PLA2G4A: variants seen among roughly 807,000 people sequenced by gnomAD.
The protein encoded by PLA2G4A is phospholipase A2 group IVA, also known as cytosolic phospholipase A2.
In PLA2G4A, 40 loss-of-function variants were observed where a neutral mutation model predicts 81.9. That is an observed-to-expected ratio of 0.49 (90% CI 0.38 to 0.64). PLA2G4A has a LOEUF of 0.64. PLA2G4A is among the 30% of genes least tolerant of loss of function. The pLI, the probability that PLA2G4A is intolerant of heterozygous loss-of-function variation, is 0.00. For synonymous variants in PLA2G4A, 302 were observed against 296.9 expected (o/e 1.02, Z -0.18); for missense variants, 715 against 905.1 (o/e 0.79, Z 2.69).
chr1:186,959,152 T>A (rs1656857250), intron 14 of PLA2G4A, among the ~76,000 whole-genome samples: 2 of 151,986 alleles, frequency 1.3e-5, no homozygotes, highest in Non-Finnish European at 2.9e-5. Context: ...GTACTTATAA[T>A]GTGCTTGGTT....
At chr1:186,878,554 G>A (rs1039782213) in intron 3 of PLA2G4A, among the ~76,000 whole-genome samples, 5 of 151,538 alleles carry the variant, frequency 3.3e-5, no homozygotes, top group Admixed American at 6.6e-5. Flanking sequence ...GTTTCATAAC[G>A]CATGTCTCTC....
intron 2 of PLA2G4A, among the ~76,000 whole-genome samples, chr1:186,868,778 C>T (rs914985511): frequency 3.9e-5 from 6 of 152,064 alleles, no homozygotes. Flanking sequence ...TTTAAGAAAT[C>T]GATCCATTTC....
intron 5 of PLA2G4A, among the ~76,000 whole-genome samples, chr1:186,904,671 G>A (rs1248056639): frequency 6.6e-6 from 1 of 152,158 alleles, no homozygotes; most frequent in African/African-American, 2.4e-5. Context: ...CTTCTCTTCC[G>A]TTATCCTGCC....
chr1:186,855,183 A>ACTCAGCCC (rs1419864779), intron 2 of PLA2G4A, among the ~76,000 whole-genome samples: 1 of 151,872 alleles, frequency 6.6e-6, no homozygotes, highest in African/African-American at 2.4e-5. Context: ...ATTGACCTGG[A>ACTCAGCCC]CTCAGCCCTT....
At chr1:186,938,018 G>T (rs1041550903) in intron 8 of PLA2G4A, among the ~76,000 whole-genome samples, 2 of 152,016 alleles carry the variant, frequency 1.3e-5, no homozygotes, top group African/African-American at 4.8e-5. Flanking sequence ...GGAAATAAGA[G>T]ATTAAAACAT....
rs1657086036 is a variant in PLA2G4A, at chr1:186,965,098, A to G, written c.1580-311A>G. ...GACCTACGTAATGTAAGATAATACT[A>G]TTGAAGTGATCATAGCTTAGAGTTA... On this transcript the variant is annotated intron_variant, in intron 14 of 17. Coordinates refer to ENST00000367466, the MANE Select transcript of PLA2G4A (RefSeq NM_024420.3). Among the ~76,000 whole-genome samples, 3 of 152,266 alleles carry G rather than the reference A, an allele frequency of 2.0e-5. No individual in the cohort carries two copies. The South Asian group carries it at 6.2e-4, about 31-fold the overall frequency.
At chr1:186,836,410 T>C (rs923552172) in intron 1 of PLA2G4A, among the ~76,000 whole-genome samples, 2 of 151,962 alleles carry the variant, frequency 1.3e-5, no homozygotes, top group African/African-American at 2.4e-5. Flanking sequence ...CTTCAAGCAC[T>C]TTTTATCATC....
chr1:186,868,071 CTTTT>C (rs59978011), intron 2 of PLA2G4A, among the ~76,000 whole-genome samples: 2 of 112,924 alleles, frequency 1.8e-5, no homozygotes, highest in East Asian at 2.6e-4. Context: ...GTGTATAATT[CTTTT>C]TTTTTTTTTT....
intron 1 of PLA2G4A, among the ~76,000 whole-genome samples, chr1:186,853,086 G>A (rs1345526277): frequency 2.0e-5 from 3 of 151,750 alleles, no homozygotes; most frequent in Admixed American, 6.6e-5. Flanking sequence ...AAATAATGAT[G>A]GTTGATGCAC....
At chr1:186,968,400 ATGTGTGTG>A (rs58475951) in intron 15 of PLA2G4A, among the ~76,000 whole-genome samples, 1 of 137,414 alleles carries the variant, frequency 7.3e-6, no homozygotes, top group Non-Finnish European at 1.5e-5. Context: ...CGCGGTGTGT[ATGTGTGTG>A]TGTGTGTGTG....
chr1:186,854,909 A>G (rs760399247), intron 2 of PLA2G4A, among the ~76,000 whole-genome samples: 1 of 151,954 alleles, frequency 6.6e-6, no homozygotes, highest in African/African-American at 2.4e-5. Context: ...GGAAGTATAC[A>G]TGCTCTCTTC....
intron 2 of PLA2G4A, among the ~76,000 whole-genome samples, chr1:186,863,006 T>G (rs1485361741): frequency 6.6e-6 from 1 of 152,242 alleles, no homozygotes; most frequent in Non-Finnish European, 1.5e-5. Flanking sequence ...ACTTAAAATT[T>G]AGGTGCTAGA....
chr1:186,855,025 G>T (rs1354893940), intron 2 of PLA2G4A, among the ~76,000 whole-genome samples: 1 of 151,924 alleles, frequency 6.6e-6, no homozygotes, highest in Non-Finnish European at 1.5e-5. Context: ...GTAATCCATA[G>T]CCTCATTTTT....
intron 6 of PLA2G4A, 35 bp from the exon 7 acceptor site, chr1:186,911,213 C>A: frequency 1.2e-6 from 2 of 1,602,158 alleles, no homozygotes; most frequent in Admixed American, 1.7e-5. Flanking sequence ...CCACTGGGAG[C>A]ACTGGCTCAT....
At chr1:186,940,332 G>A (rs949688163) in intron 10 of PLA2G4A, among the ~76,000 whole-genome samples, 15 of 152,140 alleles carry the variant, frequency 9.9e-5, no homozygotes, top group African/African-American at 3.6e-4. Context: ...AAAAATCATG[G>A]ATACAATCAA....
rs1654249432 is a variant in PLA2G4A at position 186,894,113 on chromosome 1, G to A, written c.280G>A (p.Ala94Thr). 1 of 1,358,850 alleles carries A rather than the reference G, an allele frequency of 7.4e-7. No homozygotes were observed. The highest frequency in any genetic ancestry group is 1.1e-6 in the Non-Finnish European group (1 of 947,020). The allele number at this position is 1,358,850 out of a possible 1,614,324, so 84.2% of individuals were successfully genotyped here. The part of the protein sequence containing the change: ...ENVLEITLMD[A>T]NYVMDETLGT... ...TACTCTGTAGATTACGTTAATGGATGCCAATTATGTCATGGATGAAACTCT... is the reference window on the plus strand; with the variant it reads ...TACTCTGTAGATTACGTTAATGGATACCAATTATGTCATGGATGAAACTCT... The change falls in exon 5 of 18, where the codon GCC becomes ACC. Residue 94 changes from alanine (A) to threonine (T), a missense_variant. Coordinates refer to ENST00000367466, the MANE Select transcript of PLA2G4A (RefSeq NM_024420.3).
chr1:186,937,385 CT>C (rs2102214565), intron 8 of PLA2G4A, among the ~76,000 whole-genome samples: 1 of 151,930 alleles, frequency 6.6e-6, no homozygotes, highest in East Asian at 1.9e-4. Flanking sequence ...ACATGGTAGA[CT>C]TTGGAATAAC....
chr1:186,894,565 G>A (rs1654268952), intron 5 of PLA2G4A, among the ~76,000 whole-genome samples: 1 of 150,576 alleles, frequency 6.6e-6, no homozygotes, highest in South Asian at 2.1e-4. Flanking sequence ...TGGGGGCAGA[G>A]AGAGAGAGAG....
chr1:186,956,909 C>T (rs1429392236), intron 14 of PLA2G4A, among the ~76,000 whole-genome samples: 1 of 151,744 alleles, frequency 6.6e-6, no homozygotes, highest in East Asian at 1.9e-4. Flanking sequence ...GGAGGACGGC[C>T]GGGGAGCAGT....
Sources: gnomAD v4.1 joint callset for allele counts (sites outside exome capture counted in the v4.1 genomes callset) on GRCh38, gnomAD v4.1.1 for gene constraint, MANE v1.5 for transcripts, NCBI Gene and HGNC (gene_info 2026-07-23, HGNC 2026-07-21) for gene names.